CSNK1G3: variants seen among roughly 807,000 people sequenced by gnomAD.
The protein encoded by CSNK1G3 is casein kinase I isoform gamma-3.
CSNK1G3 carries 23 observed loss-of-function variants against 64.3 expected under a neutral mutation model. The observed-to-expected ratio is 0.36, with a 90% CI of 0.26 to 0.51. CSNK1G3 has a LOEUF of 0.51. Ranked by LOEUF, CSNK1G3 falls within the 20% of genes least tolerant of loss-of-function variation. The probability of loss-of-function intolerance (pLI) is 0.96; values close to 1 mark genes in which losing one functional copy is unlikely to be tolerated. For synonymous variants in CSNK1G3, 158 were observed against 162.2 expected, an observed-to-expected ratio of 0.97 and a Z score of 0.20; for missense variants, 357 against 510.5, an observed-to-expected ratio of 0.70 and a Z score of 2.90.
chr5:123,569,095 AC>A (rs1787552898), intron 4 of CSNK1G3, among the ~76,000 whole-genome samples: 1 of 152,112 alleles, frequency 6.6e-6, no homozygotes, highest in African/African-American at 2.4e-5. Flanking sequence ...GTAGCTGCCA[AC>A]TCTTTTTGTA....
intron 1 of CSNK1G3, among the ~76,000 whole-genome samples, chr5:123,521,979 A>G (rs1025918159): frequency 1.3e-5 from 2 of 152,182 alleles, no homozygotes; most frequent in African/African-American, 4.8e-5. Context: ...AGACGATTCC[A>G]GTGTCCTGCA....
chr5:123,516,821 TG>T (rs1287578586), intron 1 of CSNK1G3, among the ~76,000 whole-genome samples: 2 of 152,228 alleles, frequency 1.3e-5, no homozygotes, highest in Non-Finnish European at 2.9e-5. Flanking sequence ...CAAAGTTTAA[TG>T]TTTTTTTTCT....
chr5:123,595,179 C>G, intron 10 of CSNK1G3, 45 bp downstream of exon 11: 1 of 1,544,630 alleles, frequency 6.5e-7, no homozygotes, highest in Admixed American at 1.7e-5. Context: ...CAGATTTATA[C>G]AACTAACCCT....
chr5:123,613,443 GTATAA>G (rs1455146169), intron 12 of CSNK1G3, among the ~76,000 whole-genome samples: 5 of 151,350 alleles, frequency 3.3e-5, no homozygotes, highest in South Asian at 2.1e-4. Context: ...GCGTATGTAT[GTATAA>G]TATAATATAT....
rs925541324 is a variant in CSNK1G3 at position 123,557,683 on chromosome 5, A to G, written c.289+119A>G. The G allele has an allele frequency of 1.4e-5, 9 of 642,788 alleles. No homozygotes were observed. In the African/African-American group the frequency reaches 1.5e-4, roughly 11 times the overall value. 39.8% of individuals were successfully genotyped at this position (642,788 alleles called of 1,614,324 possible). ...ATCACTTTGCAAGGCTATGTTTACT[A>G]TACGTTTTCTTACTATGGTCTTAGG... On this transcript the variant is annotated intron_variant, in intron 4 of 12. Transcript: ENST00000345990.
chr5:123,563,324 A>G (rs558345096), intron 4 of CSNK1G3, among the ~76,000 whole-genome samples: 1 of 151,970 alleles, frequency 6.6e-6, no homozygotes, highest in African/African-American at 2.4e-5. Flanking sequence ...TCTAAGCAAT[A>G]ATTTGATGGT....
At chr5:123,602,567 G>A (rs75020190) in intron 10 of CSNK1G3, among the ~76,000 whole-genome samples, 3,528 of 152,280 alleles carry the variant, frequency 0.023, 62 homozygotes, top group Middle Eastern at 0.037. Flanking sequence ...AAGAGATTAG[G>A]TAGTGGGTAG....
chr5:123,605,290 C>T (rs1223164420), intron 11 of CSNK1G3, 49 bp from the exon 13 acceptor site: 2 of 1,516,546 alleles, frequency 1.3e-6, no homozygotes, highest in African/African-American at 1.4e-5. Flanking sequence ...TTCTGATTCT[C>T]TCTCTCTCTT....
At chr5:123,538,116 C>T (rs1052454766) in intron 1 of CSNK1G3, among the ~76,000 whole-genome samples, 1 of 152,144 alleles carries the variant, frequency 6.6e-6, no homozygotes, top group Non-Finnish European at 1.5e-5. Flanking sequence ...TTGACTATTA[C>T]TATAAGTGAG....
chr5:123,588,240 T>G, intron 7 of CSNK1G3, 87 bp downstream of exon 7: 2 of 1,192,760 alleles, frequency 1.7e-6, no homozygotes. Flanking sequence ...TTTCATATTT[T>G]AAAATTTTAT....
At chr5:123,522,502 C>CAAA (rs71644482) in intron 1 of CSNK1G3, among the ~76,000 whole-genome samples, 23 of 136,300 alleles carry the variant, frequency 1.7e-4, no homozygotes, top group African/African-American at 5.7e-4. Context: ...GATTCTGTCT[C>CAAA]AAAAAAAAAA....
At chr5:123,554,578 C>T (rs961169829) in intron 3 of CSNK1G3, among the ~76,000 whole-genome samples, 1 of 152,206 alleles carries the variant, frequency 6.6e-6, no homozygotes, top group Non-Finnish European at 1.5e-5. Flanking sequence ...CCGCCTGCCT[C>T]GGCCTCCCAA....
intron 10 of CSNK1G3, among the ~76,000 whole-genome samples, chr5:123,598,459 G>A (rs1011932761): frequency 1.3e-5 from 2 of 152,260 alleles, no homozygotes; most frequent in South Asian, 2.1e-4. Flanking sequence ...GAATTGATAC[G>A]AAAAGCACCT....
intron 12 of CSNK1G3, among the ~76,000 whole-genome samples, chr5:123,610,283 T>G (rs1336832988): frequency 2.6e-5 from 4 of 152,188 alleles, no homozygotes; most frequent in African/African-American, 9.7e-5. Context: ...AAATATTCTT[T>G]GTCAAAGAAT....
At chr5:123,588,341 C>A in intron 7 of CSNK1G3, 86 bp from the exon 8 acceptor site, 2 of 1,212,750 alleles carry the variant, frequency 1.6e-6, no homozygotes, top group Non-Finnish European at 2.4e-6. Context: ...CCTTCCAAAG[C>A]TCTGTGATTA....
chr5:123,610,094 T>C (rs941401073), intron 12 of CSNK1G3, among the ~76,000 whole-genome samples: 21 of 152,020 alleles, frequency 1.4e-4, no homozygotes, highest in Non-Finnish European at 2.1e-4. Context: ...TGCAAGTGGA[T>C]AGGGAGGAAG....
rs368989065 is a variant in CSNK1G3 at position 123,540,314 on chromosome 5, A to C, written c.-247-5103A>C. 3.1e-3 allele frequency among the ~76,000 whole-genome samples: 463 copies of C among 151,250 alleles called. 7 individuals carry two copies. The highest frequency in any genetic ancestry group is 0.011 in the African/African-American group (447 of 41,170). On this transcript the variant is annotated intron_variant, in intron 1 of 12. Transcript: ENST00000345990. ...TCCTGTTTTTGCTCATTAAGACTAC[A>C]TTTTTTGCTCATTAAGACTATATTT...
chr5:123,589,241 A>G (rs1357345138), intron 8 of CSNK1G3, among the ~76,000 whole-genome samples: 2 of 152,178 alleles, frequency 1.3e-5, no homozygotes. Flanking sequence ...TAATAATAAT[A>G]TTATCAACAT....
chr5:123,531,885 G>C (rs933565661), intron 1 of CSNK1G3, among the ~76,000 whole-genome samples: 1 of 151,802 alleles, frequency 6.6e-6, no homozygotes, highest in Admixed American at 6.6e-5. Context: ...TAAGCAGGGG[G>C]TATTTCTGTG....
Sources: gnomAD v4.1 joint callset for allele counts (sites outside exome capture counted in the v4.1 genomes callset) on GRCh38, gnomAD v4.1.1 for gene constraint, MANE v1.5 for transcripts, NCBI Gene and HGNC (gene_info 2026-07-23, HGNC 2026-07-21) for gene names.